The following TAOK2 variants were observed in gnomAD, a reference collection of about 807,000 sequenced individuals.
TAOK2 encodes the protein serine/threonine-protein kinase TAO2.
In TAOK2, 42 loss-of-function variants were observed where a neutral mutation model predicts 122.5. The observed-to-expected ratio is 0.34, with a 90% CI of 0.27 to 0.44. The LOEUF is 0.44. Among genes scored for constraint, TAOK2 ranks in the 20% least tolerant of loss-of-function variants. The probability of loss-of-function intolerance (pLI) is 1.00; values close to 1 mark genes in which losing one functional copy is unlikely to be tolerated. For synonymous variants in TAOK2, 704 were observed against 677.6 expected (o/e 1.04, Z -0.61); for missense variants, 1,264 against 1,644.9 (o/e 0.77, Z 4.01).
chr16:29,987,404 C>A lies in TAOK2; in HGVS notation c.3132C>A (p.Gly1044=). The part of the protein sequence containing the change: ...WRRGLMGVPL[G]LGAAWLLAWP... ...GAGGCCTCATGGGTGTTCCCCTGGG[C>A]CTTGGAGCTGCCTGGCTCTTAGCTT... Residue 1044 remains glycine, a synonymous_variant, in exon 16 of 16, where the codon GGC becomes GGA. Transcript: ENST00000308893. 6.2e-7 allele frequency: 1 copy of A among 1,606,974 alleles called. No individual in the cohort carries two copies. The highest frequency in any genetic ancestry group is 1.7e-5 in the Admixed American group (1 of 59,482).
rs567285338 is a variant in TAOK2, at chr16:29,988,055, G to C, written c.*75G>C. 2 of 1,459,882 alleles carry C rather than the reference G, an allele frequency of 1.4e-6. No individual in the cohort carries two copies. Among genetic ancestry groups the C allele is most frequent in the East Asian group, 4.8e-5 (2 of 41,936 alleles). 90.4% of individuals were successfully genotyped at this position (1,459,882 alleles called of 1,614,324 possible). A position where few individuals can be genotyped will look rare whatever the true frequency, so the allele number is the denominator to read the frequency against. On this transcript the variant is annotated 3_prime_UTR_variant, in exon 16 of 16. Coordinates refer to ENST00000308893, the MANE Select transcript of TAOK2 (RefSeq NM_016151.4). Reference sequence around the variant, plus strand: ...CCCACGACTCAGTGAAGTTTCTCCAGTCCCTAGTCCTCTCTTTTCACCCAC... The same window carrying C: ...CCCACGACTCAGTGAAGTTTCTCCACTCCCTAGTCCTCTCTTTTCACCCAC...
chr16:29,975,652 C>G (rs2069432449), intron 1 of TAOK2, among the ~76,000 whole-genome samples: 1 of 152,174 alleles, frequency 6.6e-6, no homozygotes, highest in African/African-American at 2.4e-5. Context: ...AGGGTTTGGC[C>G]TGGATTCCTG....
intron 8 of TAOK2, 171 bp from the exon 9 acceptor site, chr16:29,981,490 T>G (rs1017523510): frequency 4.3e-6 from 3 of 692,478 alleles, no homozygotes; most frequent in African/African-American, 1.8e-5. Flanking sequence ...GGTGTTGTAT[T>G]TTACAGAGGA....
At position 29,986,876 on chromosome 16, in the gene TAOK2, G is replaced by T; in HGVS notation, c.2604G>T (p.Gly868=). ...ERSIVGQEEA[G]TWSLWGKEDE... ...GCATTGTTGGCCAGGAGGAGGCTGG[G>T]ACATGGAGCTTGTGGGGGAAGGAGG... The change falls in exon 16 of 16, where the codon GGG becomes GGT. Residue 868 remains glycine, a synonymous_variant. Transcript: ENST00000308893. The surrounding 1 kb of genome is among the most constrained non-coding windows in gnomAD (Gnocchi z 4.2). 6.2e-7 allele frequency: 1 copy of T among 1,614,114 alleles called. No individual in the cohort carries two copies. Among genetic ancestry groups the T allele is most frequent in the Non-Finnish European group, 8.5e-7 (1 of 1,179,966 alleles).
rs779167423 is a variant in TAOK2 at position 29,986,536 on chromosome 16, C to T, written c.2264C>T (p.Pro755Leu). 6 of 1,613,404 alleles carry T rather than the reference C, an allele frequency of 3.7e-6. No individual in the cohort carries two copies. The highest frequency in any genetic ancestry group is 5.1e-6 in the Non-Finnish European group (6 of 1,179,702). The change falls in exon 16 of 16, where the codon CCA (proline) becomes CTA (leucine). Residue 755 changes from proline to leucine, a missense_variant. Pro to Leu is a moderately conservative substitution (Grantham distance 98). Around this residue, in one of 4 missense-constraint regions of TAOK2, gnomAD observed 824 missense variants for 908.7 expected, o/e 0.91. Transcript: ENST00000308893. This position sits in a 1 kb window ranked among gnomAD's most constrained non-coding sequence, Gnocchi z 4.2. Reference sequence around the variant, plus strand: ...GCAGGCCAGCGCCCCCCGGGCCTTCCACTCCCCATTCCTGGGGCTCTGGGC... The same window carrying T: ...GCAGGCCAGCGCCCCCCGGGCCTTCTACTCCCCATTCCTGGGGCTCTGGGC... ...VRAGQRPPGL[P>L]LPIPGALGPP...
At chr16:29,991,667 C>CAAGAT, downstream of TAOK2, 1 of 1,351,284 alleles carries the variant, frequency 7.4e-7, no homozygotes, top group Non-Finnish European at 9.6e-7. The surrounding 1 kb of genome is among the most constrained non-coding windows in gnomAD (Gnocchi z 5.6). Flanking sequence ...GGGTAGGGGA[C>CAAGAT]AAGATGTAGG....
Position 29,985,621 on chromosome 16 carries a change from G to A in TAOK2, c.1789-37G>A, listed in dbSNP as rs751683980. 1.2e-6 allele frequency: 2 copies of A among 1,605,766 alleles called. No individual in the cohort carries two copies. The highest frequency in any genetic ancestry group is 1.1e-5 in the South Asian group (1 of 90,720). On this transcript the variant is annotated intron_variant, in intron 14 of 15. Coordinates refer to ENST00000308893, the MANE Select transcript of TAOK2 (RefSeq NM_016151.4). This position sits in a 1 kb window ranked among gnomAD's most constrained non-coding sequence, Gnocchi z 6.9. ...GGGGGCGGAGCCGATGGCGAGCCAG[G>A]TGGGTCCTGACCCTGCTTCCCTCTG...
At chr16:29,980,955 C>G (rs2069594176) in intron 8 of TAOK2, 1 of 152,696 alleles carries the variant, frequency 6.5e-6, no homozygotes, top group Admixed American at 6.5e-5. Flanking sequence ...AATGTAGACT[C>G]CATTTCACCA....
At chr16:29,989,704 A>C (rs148701629), downstream of TAOK2, 26 of 1,614,086 alleles carry the variant, frequency 1.6e-5, no homozygotes, top group Non-Finnish European at 1.7e-6. Context: ...AGCTCAGCAC[A>C]AGAGCCTCCT....
At chr16:29,990,754 T>C, downstream of TAOK2, 1 of 1,572,586 alleles carries the variant, frequency 6.4e-7, no homozygotes, top group Non-Finnish European at 8.7e-7. Context: ...GGGGAGGAGA[T>C]CCCTACAACT....
chr16:29,981,338 T>G (rs2150890210), intron 8 of TAOK2: 1 of 564,870 alleles, frequency 1.8e-6, no homozygotes, highest in South Asian at 2.5e-5. Flanking sequence ...CCATAGCAAT[T>G]ATCAAGTTAT....
chr16:29,978,219 G>A (rs1202645502), intron 3 of TAOK2, 33 bp from the exon 4 acceptor site: 2 of 1,613,782 alleles, frequency 1.2e-6, no homozygotes, highest in Non-Finnish European at 1.7e-6. Context: ...CAAGATGCAA[G>A]CTGGGTAACC....
chr16:29,981,563 A>C (rs1161656254), intron 8 of TAOK2, 98 bp from the exon 9 acceptor site: 3 of 1,071,646 alleles, frequency 2.8e-6, no homozygotes, highest in East Asian at 4.8e-5. Context: ...CAAGGAAGTC[A>C]AGGAATTGGG....
Position 29,988,039 on chromosome 16 carries a change from C to A in TAOK2, c.*59C>A. 1.4e-6 allele frequency: 2 copies of A among 1,479,454 alleles called. No individual in the cohort carries two copies. Among genetic ancestry groups the A allele is most frequent in the Non-Finnish European group, 1.8e-6 (2 of 1,122,870 alleles). The allele number at this position is 1,479,454 out of a possible 1,614,324, so 91.6% of individuals were successfully genotyped here. A position where few individuals can be genotyped will look rare whatever the true frequency, so the allele number is the denominator to read the frequency against. On this transcript the variant is annotated 3_prime_UTR_variant, in exon 16 of 16. Transcript: ENST00000308893. ...ATTGAGCACTTTATCTCCCACGACT[C>A]AGTGAAGTTTCTCCAGTCCCTAGTC...
chr16:29,989,815 G>A (rs577710689), downstream of TAOK2: 6 of 1,612,458 alleles, frequency 3.7e-6, no homozygotes, highest in Admixed American at 5.0e-5. Flanking sequence ...GGTGAGGCCT[G>A]GGGTCCAGGG....
intron 12 of TAOK2, 24 bp from the exon 13 acceptor site, chr16:29,983,479 G>A (rs1315342965): frequency 6.3e-7 from 1 of 1,593,200 alleles, no homozygotes; most frequent in Admixed American, 1.7e-5. Context: ...CTGAGCCTTG[G>A]GTGTTCCTTC....
chr16:29,981,506 T>A, intron 8 of TAOK2, 155 bp from the exon 9 acceptor site: 1 of 720,948 alleles, frequency 1.4e-6, no homozygotes, highest in Non-Finnish European at 2.5e-6. Flanking sequence ...GAGGAAGGAA[T>A]TAACTGAGAC....
chr16:29,989,408 T>TCC (rs1404469387), downstream of TAOK2: 1 of 984,326 alleles, frequency 1.0e-6, no homozygotes, highest in African/African-American at 1.8e-5. Context: ...TGTATACAGC[T>TCC]CCCCCCACCC....
At position 29,983,178 on chromosome 16, in the gene TAOK2, A is replaced by G; in HGVS notation, c.1106A>G (p.Asn369Ser). ...ISASSQSSSV[N>S]SLADASDNEE... ...GCCTCCAGCCAGAGCAGCTCCGTCAACAGCCTAGCAGATGCCTCAGACAAC... is the reference window on the plus strand; with the variant it reads ...GCCTCCAGCCAGAGCAGCTCCGTCAGCAGCCTAGCAGATGCCTCAGACAAC... Residue 369 changes from asparagine (N) to serine (S), a missense_variant, in exon 12 of 16, where the codon AAC becomes AGC. This residue lies in a region of TAOK2 where 254 missense variants were observed against 503.8 expected (regional missense o/e 0.50). Transcript: ENST00000308893. The G allele has an allele frequency of 1.2e-6, 2 of 1,614,098 alleles. No individual in the cohort carries two copies. Among genetic ancestry groups the G allele is most frequent in the Non-Finnish European group, 1.7e-6 (2 of 1,180,014 alleles).
Sources: allele counts gnomAD v4.1 joint callset (sites outside exome capture counted in the v4.1 genomes callset), GRCh38; gene constraint gnomAD v4.1.1; regional missense constraint gnomAD v4.1.1; non-coding constraint Gnocchi (gnomAD v3.1); transcripts MANE v1.5; gene names NCBI Gene and HGNC (gene_info 2026-07-23, HGNC 2026-07-21).